The following TRMT11 variants were observed in gnomAD, a reference collection of about 807,000 sequenced individuals.
TRMT11 encodes the protein tRNA (guanine(10)-N(2))-methyltransferase TRMT11.
A neutral mutation model predicts 62.8 loss-of-function variants in TRMT11; 53 were observed. The ratio of observed to expected loss-of-function variants is 0.84; its 90% CI spans 0.68 to 1.06. The LOEUF (loss-of-function observed/expected upper bound fraction) is 1.06. Among genes scored for constraint, TRMT11 ranks in the 50% least tolerant of loss-of-function variants. The pLI, the probability that TRMT11 is intolerant of heterozygous loss-of-function variation, is 0.00. For synonymous variants in TRMT11, 188 were observed against 190.3 expected, an observed-to-expected ratio of 0.99 and a Z score of 0.10; for missense variants, 556 against 553.4, an observed-to-expected ratio of 1.00 and a Z score of -0.05.
the TRMT11 span, among the ~76,000 whole-genome samples, chr6:126,261,245 T>G: frequency 1.3e-5 from 2 of 152,192 alleles, no homozygotes; most frequent in Non-Finnish European, 2.9e-5. Context: ...TTAACTGATT[T>G]TTTTCAGCTC....
chr6:126,244,511 C>A, the TRMT11 span, among the ~76,000 whole-genome samples: 1 of 152,114 alleles, frequency 6.6e-6, no homozygotes, highest in African/African-American at 2.4e-5. Context: ...ACCTAAAGGG[C>A]AACTATTACA....
intron 1 of TRMT11, among the ~76,000 whole-genome samples, chr6:126,178,208 T>C (rs910648180): frequency 3.3e-5 from 5 of 152,228 alleles, no homozygotes; most frequent in African/African-American, 4.8e-5. Context: ...AACACTCAGA[T>C]CACCCTTCAA....
At chr6:126,241,350 A>T in the TRMT11 span, among the ~76,000 whole-genome samples, 1 of 152,298 alleles carries the variant, frequency 6.6e-6, no homozygotes, top group Middle Eastern at 3.4e-3. Flanking sequence ...CTCACAGCCG[A>T]ATTCTACCAG....
chr6:126,088,138 C>A (rs1025591846), intron 17 of TRMT11, among the ~76,000 whole-genome samples: 6 of 151,130 alleles, frequency 4.0e-5, no homozygotes, highest in South Asian at 2.1e-4. Context: ...TATACTCTCT[C>A]TATATATAGT....
At chr6:126,120,541 A>G (rs1040406036) in intron 21 of TRMT11, among the ~76,000 whole-genome samples, 3 of 152,130 alleles carry the variant, frequency 2.0e-5, no homozygotes, top group Non-Finnish European at 4.4e-5. Flanking sequence ...CTGTATAGCT[A>G]TTTCCCAGTG....
chr6:126,130,013 T>A (rs1777763034), intron 21 of TRMT11, among the ~76,000 whole-genome samples: 1 of 152,090 alleles, frequency 6.6e-6, no homozygotes, highest in Admixed American at 6.6e-5. Flanking sequence ...GATGGAGGAC[T>A]CAGCATGAGA....
rs145963759 is a variant in TRMT11, at chr6:126,093,631, A to ATTTTTTTTT, written c.*1438-19231_*1438-19230insTTTTTTTTT. Among the ~76,000 whole-genome samples, 15 of 98,010 alleles carry ATTTTTTTTT rather than the reference A, an allele frequency of 1.5e-4. 2 individuals carry two copies. The highest frequency in any genetic ancestry group is 5.7e-4 in the African/African-American group (13 of 22,922). The allele number at this position is 98,010 out of a possible 152,430, so 64.3% of individuals were successfully genotyped here. On this transcript the variant is annotated intron_variant and NMD_transcript_variant, in intron 17 of 22. Coordinates refer to the TRMT11 transcript ENST00000648977. ...TATATATATATATATATATATATAT[A>ATTTTTTTTT]TTTTCCCCCAGTCCTGGAGGATCAA...
At chr6:126,211,661 ATAG>A in the TRMT11 span, among the ~76,000 whole-genome samples, 4 of 151,566 alleles carry the variant, frequency 2.6e-5, no homozygotes, top group African/African-American at 9.7e-5. Context: ...TTGTGGGTAC[ATAG>A]TAGGTGTATA....
At chr6:126,023,707 G>A (rs1028115485) in intron 12 of TRMT11, among the ~76,000 whole-genome samples, 1 of 152,122 alleles carries the variant, frequency 6.6e-6, no homozygotes, top group Non-Finnish European at 1.5e-5. Context: ...TATGTTGTAT[G>A]TTGAATACTT....
chr6:126,003,655 T>A (rs1792879832), intron 7 of TRMT11, among the ~76,000 whole-genome samples: 1 of 152,098 alleles, frequency 6.6e-6, no homozygotes, highest in Non-Finnish European at 1.5e-5. Context: ...TTTTTTATAT[T>A]TTAAGGGCCA....
At chr6:126,023,726 T>TGAGTC (rs1227678591) in intron 12 of TRMT11, among the ~76,000 whole-genome samples, 3 of 152,224 alleles carry the variant, frequency 2.0e-5, no homozygotes, top group Non-Finnish European at 4.4e-5. Flanking sequence ...TTTCAGCTGG[T>TGAGTC]GAGTCGCTTG....
chr6:126,116,921 G>A (rs1438680564), intron 21 of TRMT11, among the ~76,000 whole-genome samples: 1 of 151,984 alleles, frequency 6.6e-6, no homozygotes, highest in Admixed American at 6.6e-5. Flanking sequence ...TCTTTTTGGA[G>A]ATATTTTGTG....
At chr6:126,023,469 G>A (rs1426018674) in intron 12 of TRMT11, among the ~76,000 whole-genome samples, 2 of 152,118 alleles carry the variant, frequency 1.3e-5, no homozygotes, top group African/African-American at 4.8e-5. Context: ...CCAATGTAGT[G>A]AAACCCCATC....
At chr6:126,076,962 A>T (rs962163341) in intron 17 of TRMT11, among the ~76,000 whole-genome samples, 1 of 152,198 alleles carries the variant, frequency 6.6e-6, no homozygotes, top group African/African-American at 2.4e-5. Context: ...AGTCAATAGA[A>T]GGTTTTGCAA....
At chr6:126,271,363 C>CAAAAAAAAAAAAAAAAAAAA in the TRMT11 span, among the ~76,000 whole-genome samples, 1 of 36,264 alleles carries the variant, frequency 2.8e-5, no homozygotes, top group Non-Finnish European at 5.1e-5. Flanking sequence ...GACTCCATCT[C>CAAAAAAAAAAAAAAAAAAAA]AAAAAAAAAA....
chr6:125,994,232 G>A (rs1019824880), intron 2 of TRMT11, among the ~76,000 whole-genome samples: 3 of 152,048 alleles, frequency 2.0e-5, no homozygotes, highest in Non-Finnish European at 4.4e-5. Context: ...ATCAGTGTTT[G>A]ACAGAAGTTT....
chr6:125,999,584 A>C lies in TRMT11; in HGVS notation c.650A>C (p.Asp217Ala). ...AACCATGGAAAAGTGAAAGAAAATG[A>C]TATTGTCTTTGATCCATTTGTTGGA... ...MANHGKVKEN[D>A]IVFDPFVGTG... The change falls in exon 7 of 13, where the codon GAT (aspartate) becomes GCT (alanine). Residue 217 changes from aspartate (D) to alanine (A), a missense_variant. Coordinates refer to ENST00000334379, the MANE Select transcript of TRMT11 (RefSeq NM_001031712.3). 1 of 1,611,714 alleles carries C rather than the reference A, an allele frequency of 6.2e-7. No individual in the cohort carries two copies. Among genetic ancestry groups the C allele is most frequent in the Non-Finnish European group, 8.5e-7 (1 of 1,178,610 alleles).
rs183138210 is a variant in TRMT11, at chr6:126,158,272, C to T, written c.*1824-16553C>T. Among the ~76,000 whole-genome samples the T allele has an allele frequency of 3.0e-3, 461 of 152,224 alleles. 3 individuals carry two copies. Among genetic ancestry groups the T allele is most frequent in the Admixed American group, 3.9e-3 (60 of 15,278 alleles). On this transcript the variant is annotated intron_variant and NMD_transcript_variant, in intron 21 of 22. Coordinates refer to the TRMT11 transcript ENST00000648977. ...AATCTTTTCCCTGTGCTTTTTCTGTCGAACACCTGGACTGTTTGACCTGTA... is the reference window on the plus strand; with the variant it reads ...AATCTTTTCCCTGTGCTTTTTCTGTTGAACACCTGGACTGTTTGACCTGTA...
Position 126,038,930 on chromosome 6 carries a change from G to T in TRMT11, c.*94G>T. ...CATGTATGATCCAGAAAATAGGTAC[G>T]GTTTTAAAATATTTTATATAGAAAA... On this transcript the variant is annotated 3_prime_UTR_variant, in exon 13 of 13. Coordinates refer to ENST00000334379, the MANE Select transcript of TRMT11 (RefSeq NM_001031712.3). 9.7e-7 allele frequency: 1 copy of T among 1,033,610 alleles called. No homozygotes were observed. Among genetic ancestry groups the T allele is most frequent in the Non-Finnish European group, 1.4e-6 (1 of 729,414 alleles). 64.0% of individuals were successfully genotyped at this position (1,033,610 alleles called of 1,614,324 possible). A position where few individuals can be genotyped will look rare whatever the true frequency, so the allele number is the denominator to read the frequency against.
Sources: gnomAD v4.1 joint callset for allele counts (sites outside exome capture counted in the v4.1 genomes callset) on GRCh38, gnomAD v4.1.1 for gene constraint, MANE v1.5 for transcripts, NCBI Gene and HGNC (gene_info 2026-07-23, HGNC 2026-07-21) for gene names.